Variants in TRAK1 observed in about 807,000 individuals in gnomAD.
TRAK1 encodes trafficking kinesin protein 1, also known as trafficking kinesin-binding protein 1.
TRAK1 carries 33 observed loss-of-function variants against 92.1 expected under a neutral mutation model. The ratio of observed to expected loss-of-function variants is 0.36; its 90% confidence interval spans 0.27 to 0.48. The LOEUF (loss-of-function observed/expected upper bound fraction) is 0.48. TRAK1 is among the 20% of genes least tolerant of loss of function. The pLI is 0.99. For synonymous variants in TRAK1, 521 were observed against 517.3 expected (o/e 1.01, Z -0.10); for missense variants, 1,123 against 1,257.9 (o/e 0.89, Z 1.62).
chr3:42,050,244 A>G (rs1702927785), intron 1 of TRAK1, among the ~76,000 whole-genome samples: 1 of 152,022 alleles, frequency 6.6e-6, no homozygotes, highest in South Asian at 2.1e-4. Context: ...ATCCATTCTC[A>G]ATCCTACTTT....
intron 2 of TRAK1, among the ~76,000 whole-genome samples, chr3:42,139,589 A>G (rs1698407599): frequency 6.6e-6 from 1 of 152,080 alleles, no homozygotes; most frequent in East Asian, 1.9e-4. Flanking sequence ...CAGCAGACCT[A>G]CCCTCATGGT....
chr3:42,083,306 C>T (rs1704520983), upstream of TRAK1, among the ~76,000 whole-genome samples: 1 of 152,046 alleles, frequency 6.6e-6, no homozygotes, highest in East Asian at 1.9e-4. Context: ...GGGCTATCTG[C>T]TTTAGGTCTG....
intron 1 of TRAK1, among the ~76,000 whole-genome samples, chr3:42,053,722 G>A (rs993188836): frequency 1.3e-5 from 2 of 152,084 alleles, no homozygotes; most frequent in Admixed American, 6.6e-5. Flanking sequence ...AACTGCCCGG[G>A]TGAAGGAGTA....
At chr3:42,184,889 T>G (rs979484025) in intron 4 of TRAK1, 88 bp downstream of exon 4, 1 of 1,300,132 alleles carries the variant, frequency 7.7e-7, no homozygotes. Flanking sequence ...GAGAATGGAG[T>G]CCTAGTTGGA....
chr3:42,130,850 A>C (rs1697101004), intron 2 of TRAK1, among the ~76,000 whole-genome samples: 1 of 152,136 alleles, frequency 6.6e-6, no homozygotes, highest in South Asian at 2.1e-4. Flanking sequence ...GGGGCCCCTG[A>C]GGTGCGGGGT....
At position 42,223,977 on chromosome 3, in the gene TRAK1, C is replaced by G; in HGVS notation, c.*240C>G. 4.6e-6 allele frequency: 3 copies of G among 646,682 alleles called. No homozygotes were observed. The highest frequency in any genetic ancestry group is 1.5e-5 in the South Asian group (1 of 64,602). The allele number at this position is 646,682 out of a possible 1,614,324, so 40.1% of individuals were successfully genotyped here. ...CTTTCTTCCGATCCCACAGGAAGTG[C>G]CCCTGCACTGTCATCACTCTCACGA... On this transcript the variant is annotated 3_prime_UTR_variant, in exon 16 of 16. Transcript: ENST00000327628. The surrounding 1 kb of genome is among the most constrained non-coding windows in gnomAD (Gnocchi z 6.1).
chr3:42,192,655 T>C (rs1356773034), intron 7 of TRAK1, among the ~76,000 whole-genome samples: 1 of 152,220 alleles, frequency 6.6e-6, no homozygotes, highest in Non-Finnish European at 1.5e-5. Context: ...AGTTCCTTTT[T>C]AGAACTGGGT....
chr3:42,148,536 C>T (rs554870612), intron 2 of TRAK1, among the ~76,000 whole-genome samples: 41 of 152,130 alleles, frequency 2.7e-4, no homozygotes, highest in Admixed American at 1.6e-3. Context: ...AACCTCATTT[C>T]CTCACTCCTT....
chr3:42,125,133 A>G (rs1283909453), intron 1 of TRAK1, among the ~76,000 whole-genome samples: 1 of 152,216 alleles, frequency 6.6e-6, no homozygotes, highest in African/African-American at 2.4e-5. Context: ...GTTGGAGGAA[A>G]GACTTAACTC....
chr3:42,219,630 G>T (rs761099607), intron 15 of TRAK1, 34 bp downstream of exon 15: 1 of 1,596,170 alleles, frequency 6.3e-7, no homozygotes. Flanking sequence ...GGGCAGGGGT[G>T]GGGTGAAGTC....
intron 2 of TRAK1, among the ~76,000 whole-genome samples, chr3:42,129,444 A>T (rs1696913138): frequency 6.6e-6 from 1 of 152,104 alleles, no homozygotes; most frequent in Non-Finnish European, 1.5e-5. Flanking sequence ...TGAGTGGAGA[A>T]ACGCGGCTTT....
intron 1 of TRAK1, among the ~76,000 whole-genome samples, chr3:42,104,783 C>A (rs896864872): frequency 2.6e-5 from 4 of 152,146 alleles, no homozygotes; most frequent in African/African-American, 9.7e-5. Context: ...AAAATCAGAG[C>A]ACCTCTTCTC....
At chr3:42,137,641 C>T (rs1056782613) in intron 2 of TRAK1, among the ~76,000 whole-genome samples, 3 of 152,156 alleles carry the variant, frequency 2.0e-5, no homozygotes, top group Non-Finnish European at 2.9e-5. Flanking sequence ...AAAGCAGTAA[C>T]GTATGCTATT....
At chr3:42,176,603 G>C (rs1010987) in intron 2 of TRAK1, among the ~76,000 whole-genome samples, 90,240 of 151,988 alleles carry the variant, frequency 0.59, 27,411 homozygotes, top group East Asian at 0.95. Flanking sequence ...CAGGGGTTAC[G>C]AGTCCCCCTA....
chr3:42,135,283 C>T (rs1697804399), intron 2 of TRAK1, among the ~76,000 whole-genome samples: 1 of 152,144 alleles, frequency 6.6e-6, no homozygotes, highest in Admixed American at 6.5e-5. Flanking sequence ...GAGGGTGGAG[C>T]CCAGTACCTG....
chr3:42,133,249 C>A (rs933623958), intron 2 of TRAK1, among the ~76,000 whole-genome samples: 11 of 152,184 alleles, frequency 7.2e-5, no homozygotes, highest in African/African-American at 1.9e-4. Context: ...ATCCAGCCAG[C>A]CTCGTTCCAC....
chr3:42,030,520 A>T (rs2148890978), intron 1 of TRAK1, among the ~76,000 whole-genome samples: 1 of 150,000 alleles, frequency 6.7e-6, no homozygotes, highest in South Asian at 2.1e-4. Context: ...TAAAAATACA[A>T]AGATGGACCA....
intron 2 of TRAK1, among the ~76,000 whole-genome samples, chr3:42,148,900 C>A (rs552444662): frequency 4.6e-5 from 7 of 152,192 alleles, no homozygotes; most frequent in African/African-American, 1.7e-4. Flanking sequence ...GATTTCAAAT[C>A]CAGAGTCTTC....
intron 1 of TRAK1, among the ~76,000 whole-genome samples, chr3:42,094,359 T>C (rs1705581730): frequency 6.6e-6 from 1 of 152,194 alleles, no homozygotes; most frequent in Non-Finnish European, 1.5e-5. Context: ...AGGCTGAAAC[T>C]ATCAGGAGCT....
Sources: allele counts gnomAD v4.1 joint callset (sites outside exome capture counted in the v4.1 genomes callset), GRCh38; gene constraint gnomAD v4.1.1; non-coding constraint Gnocchi (gnomAD v3.1); transcripts MANE v1.5; gene names NCBI Gene and HGNC (gene_info 2026-07-23, HGNC 2026-07-21).